The following VPS53 variants were observed in gnomAD, a reference collection of about 807,000 sequenced individuals.
VPS53 encodes VPS53 subunit of GARP complex.
Under a neutral mutation model 107.0 loss-of-function variants are expected in VPS53, and 70 were observed. That is an observed-to-expected ratio of 0.65 (90% CI 0.54 to 0.80). VPS53 has a LOEUF of 0.80. Among genes scored for constraint, VPS53 ranks in the 30% least tolerant of loss-of-function variants. VPS53 has a pLI of 0.00. For synonymous variants in VPS53, 409 were observed against 393.3 expected (o/e 1.04, Z -0.47); for missense variants, 917 against 1,049.4 (o/e 0.87, Z 1.74).
intron 7 of VPS53, among the ~76,000 whole-genome samples, chr17:652,051 C>A (rs1970973709): frequency 6.6e-6 from 1 of 150,620 alleles, no homozygotes; most frequent in Admixed American, 6.6e-5. Flanking sequence ...GGCTAGAGTA[C>A]AATGGCAGGA....
At chr17:610,793 C>T (rs1029857769) in intron 11 of VPS53, among the ~76,000 whole-genome samples, 3 of 151,160 alleles carry the variant, frequency 2.0e-5, no homozygotes, top group Non-Finnish European at 4.4e-5. Flanking sequence ...CAAAAATTAG[C>T]CTGGCATGGT....
intron 4 of VPS53, 148 bp downstream of exon 4, chr17:697,270 C>T: frequency 1.4e-6 from 1 of 719,032 alleles, no homozygotes; most frequent in Non-Finnish European, 2.5e-6. Context: ...CACGTGGCTG[C>T]TGTGGGCGCC....
chr17:640,128 G>A (rs576214029), intron 7 of VPS53, among the ~76,000 whole-genome samples: 14 of 152,272 alleles, frequency 9.2e-5, no homozygotes, highest in South Asian at 2.1e-4. Context: ...CCTTGCTGCC[G>A]CCTTGCAGTT....
intron 13 of VPS53, among the ~76,000 whole-genome samples, chr17:585,483 A>T (rs894443798): frequency 1.3e-5 from 2 of 152,106 alleles, no homozygotes; most frequent in African/African-American, 4.8e-5. Flanking sequence ...ACAGGGAGAC[A>T]GAATCTCTAC....
At chr17:554,402 T>C (rs943450514) in intron 15 of VPS53, among the ~76,000 whole-genome samples, 1 of 152,152 alleles carries the variant, frequency 6.6e-6, no homozygotes, top group African/African-American at 2.4e-5. Flanking sequence ...GAATAGCTAA[T>C]GTTTTGGCCT....
chr17:610,937 C>CAA (rs1968842452), intron 11 of VPS53, among the ~76,000 whole-genome samples: 1 of 129,238 alleles, frequency 7.7e-6, no homozygotes. Flanking sequence ...GACTCTGTCT[C>CAA]AAGAAAAAAA....
chr17:629,809 CCACACACACACACACA>C lies in VPS53; in HGVS notation c.688-1594_688-1579del, dbSNP rs61004817. ...AACTAAAAACAAAACAAAAAAAAAA[CCACACACACACACACA>C]CACACACACACACACACACACGAAG... On this transcript the variant is annotated intron_variant, in intron 8 of 21. Transcript: ENST00000437048. Among the ~76,000 whole-genome samples the C allele has an allele frequency of 1.5e-3, 217 of 140,794 alleles. No individual in the cohort carries two copies. The South Asian group carries it at 0.019, about 12-fold the overall frequency. 92.4% of individuals were successfully genotyped at this position (140,794 alleles called of 152,430 possible).
At chr17:618,663 A>G (rs139960064) in intron 11 of VPS53, among the ~76,000 whole-genome samples, 1,513 of 145,070 alleles carry the variant, frequency 0.01, 10 homozygotes, top group Non-Finnish European at 0.017. Context: ...ACACCTGCTA[A>G]TATTTCTTGG....
intron 12 of VPS53, among the ~76,000 whole-genome samples, chr17:591,704 A>T (rs1185802747): frequency 6.6e-6 from 1 of 152,170 alleles, no homozygotes; most frequent in Non-Finnish European, 1.5e-5. Context: ...TGAGATTCTT[A>T]ATCCAGAGTT....
intron 5 of VPS53, among the ~76,000 whole-genome samples, chr17:659,967 G>A (rs1190619869): frequency 1.3e-5 from 2 of 152,152 alleles, no homozygotes; most frequent in Non-Finnish European, 2.9e-5. Flanking sequence ...CACACCAGGG[G>A]TACTCAGGTC....
chr17:566,639 T>C (rs1322706676), intron 13 of VPS53, among the ~76,000 whole-genome samples: 1 of 151,944 alleles, frequency 6.6e-6, no homozygotes, highest in African/African-American at 2.4e-5. Context: ...GGCAAAAGAT[T>C]CCCCTGGGGT....
At chr17:521,298 G>A (rs1175670993) in intron 20 of VPS53, among the ~76,000 whole-genome samples, 1 of 152,168 alleles carries the variant, frequency 6.6e-6, no homozygotes, top group East Asian at 1.9e-4. Context: ...GCTGAGAAGC[G>A]GAGATCCCTG....
rs144875287 is a variant in VPS53 at position 641,357 on chromosome 17, T to C, written c.609-9729A>G. Among the ~76,000 whole-genome samples the C allele has an allele frequency of 2.9e-3, 435 of 152,352 alleles. 2 individuals are homozygous for C. Among genetic ancestry groups the C allele is most frequent in the African/African-American group, 0.01 (419 of 41,576 alleles). ...CAACAGACTTGAAAGAATTTATCTT[T>C]GGCCTCATTCCTTTAAACTCCTTCC... On this transcript the variant is annotated intron_variant, in intron 7 of 21. Coordinates refer to ENST00000437048, the MANE Select transcript of VPS53 (RefSeq NM_001128159.3).
At chr17:688,443 C>A (rs1333938102) in intron 4 of VPS53, among the ~76,000 whole-genome samples, 1 of 152,150 alleles carries the variant, frequency 6.6e-6, no homozygotes, top group African/African-American at 2.4e-5. Flanking sequence ...ATAAATTACC[C>A]CGTCTAAGGT....
intron 12 of VPS53, among the ~76,000 whole-genome samples, chr17:590,542 G>A (rs858053): frequency 0.49 from 74,248 of 151,370 alleles, 19,205 homozygotes; most frequent in African/African-American, 0.66. Flanking sequence ...ATGATTTTGA[G>A]ATACGTCCCA....
chr17:661,430 G>C (rs920870459), intron 5 of VPS53, among the ~76,000 whole-genome samples: 9 of 149,688 alleles, frequency 6.0e-5, no homozygotes, highest in African/African-American at 2.2e-4. Context: ...CTGAGGCAGG[G>C]GAATCGCTTG....
intron 15 of VPS53, among the ~76,000 whole-genome samples, chr17:557,083 C>T (rs1459054617): frequency 6.6e-6 from 1 of 152,202 alleles, no homozygotes; most frequent in Non-Finnish European, 1.5e-5. Flanking sequence ...AAACTCCTGA[C>T]CTCAAGTGAT....
At chr17:615,537 G>A (rs1969097947) in intron 11 of VPS53, among the ~76,000 whole-genome samples, 1 of 152,204 alleles carries the variant, frequency 6.6e-6, no homozygotes, top group South Asian at 2.1e-4. Flanking sequence ...TACAGCCTAG[G>A]GAGGGGCAGC....
intron 5 of VPS53, among the ~76,000 whole-genome samples, chr17:658,469 G>A (rs536021801): frequency 6.0e-5 from 9 of 149,616 alleles, no homozygotes; most frequent in South Asian, 4.3e-4. Flanking sequence ...AAACTTGGCC[G>A]TGAGTTCGTG....
Sources: allele counts gnomAD v4.1 joint callset (sites outside exome capture counted in the v4.1 genomes callset), GRCh38; gene constraint gnomAD v4.1.1; transcripts MANE v1.5; gene names NCBI Gene and HGNC (gene_info 2026-07-23, HGNC 2026-07-21).